Variants in CFAP54 observed in about 807,000 individuals in gnomAD.
CFAP54 encodes the protein cilia and flagella associated protein 54, also known as cilia- and flagella-associated protein 54.
CFAP54 carries 290 observed loss-of-function variants against 370.4 expected under a neutral mutation model. The observed-to-expected ratio is 0.78, with a 90% CI of 0.71 to 0.86. The LOEUF (loss-of-function observed/expected upper bound fraction) is 0.86, where lower values mean the gene tolerates loss of function less well. Ranked by LOEUF, CFAP54 falls within the 40% of genes least tolerant of loss-of-function variation. The probability of loss-of-function intolerance (pLI) is 0.00; values close to 1 mark genes in which losing one functional copy is unlikely to be tolerated. For missense variants in CFAP54, 3,399 were observed against 3,528.7 expected, an observed-to-expected ratio of 0.96 and a Z score of 0.93; for synonymous variants, 1,206 against 1,236.5, an observed-to-expected ratio of 0.98 and a Z score of 0.52.
At chr12:96,767,103 C>A (rs1958408646) in intron 60 of CFAP54, among the ~76,000 whole-genome samples, 1 of 152,178 alleles carries the variant, frequency 6.6e-6, no homozygotes, top group African/African-American at 2.4e-5. Context: ...TTGGCCACAG[C>A]AAGTCATAGG....
In CFAP54 at chr12:96,489,853, T is replaced by C; in HGVS notation, c.244T>C (p.Leu82=). ...LASCEKEIQE[L]LGFMRKKKAL... is the part of the protein sequence containing the mutation. ...CTCTTGTGAGAAGGAGATCCAGGAGTTGTTAGGCTTTATGAGGAAAAAGAA... is the reference window on the plus strand; with the variant it reads ...CTCTTGTGAGAAGGAGATCCAGGAGCTGTTAGGCTTTATGAGGAAAAAGAA... Residue 82 remains leucine, a synonymous_variant, in exon 1 of 68, where the codon TTG becomes CTG. Transcript: ENST00000524981. 2 of 1,535,262 alleles carry C rather than the reference T, an allele frequency of 1.3e-6. No individual in the cohort carries two copies. Among genetic ancestry groups the C allele is most frequent in the Non-Finnish European group, 1.7e-6 (2 of 1,146,718 alleles).
intron 33 of CFAP54, chr12:96,645,251 T>G: frequency 2.4e-6 from 1 of 424,340 alleles, no homozygotes; most frequent in Admixed American, 2.6e-5. Flanking sequence ...GTGTAGCTAT[T>G]AAAAAGATAC....
chr12:96,576,936 C>T (rs1955984724), intron 20 of CFAP54, among the ~76,000 whole-genome samples, 175 bp downstream of exon 20: 2 of 152,096 alleles, frequency 1.3e-5, no homozygotes, highest in African/African-American at 4.8e-5. Context: ...GACTTGTTGC[C>T]CCTTATGCTG....
At chr12:96,780,535 A>G (rs1050714230) in intron 60 of CFAP54, among the ~76,000 whole-genome samples, 2 of 152,190 alleles carry the variant, frequency 1.3e-5, no homozygotes, top group African/African-American at 4.8e-5. Flanking sequence ...CTGACTCAGC[A>G]AAGAAGTTTC....
intron 50 of CFAP54, among the ~76,000 whole-genome samples, chr12:96,729,135 A>T (rs932830215): frequency 6.6e-6 from 1 of 151,706 alleles, no homozygotes; most frequent in African/African-American, 2.4e-5. Context: ...GGGGTCGGGG[A>T]CCCACTTGAG....
intron 67 of CFAP54, among the ~76,000 whole-genome samples, chr12:96,870,536 C>T (rs564203127): frequency 7.7e-4 from 118 of 152,314 alleles, no homozygotes; most frequent in Non-Finnish European, 1.5e-3. Context: ...ATACATAAAG[C>T]ACCTAGAACA....
intron 22 of CFAP54, among the ~76,000 whole-genome samples, chr12:96,585,662 C>A (rs1175217677): frequency 2.6e-5 from 4 of 152,108 alleles, no homozygotes; most frequent in African/African-American, 9.7e-5. Flanking sequence ...TTGCCTTTGG[C>A]CCCACATCTG....
At chr12:96,788,639 T>G (rs1958652199) in intron 62 of CFAP54, among the ~76,000 whole-genome samples, 1 of 152,188 alleles carries the variant, frequency 6.6e-6, no homozygotes, top group Non-Finnish European at 1.5e-5. Context: ...AGCAACCTTA[T>G]GTTTTGGGTA....
intron 55 of CFAP54, among the ~76,000 whole-genome samples, chr12:96,753,499 T>C (rs1958214354): frequency 6.6e-6 from 1 of 152,146 alleles, no homozygotes; most frequent in Admixed American, 6.5e-5. Flanking sequence ...TTATCCTTCA[T>C]TTAAAAAAGA....
chr12:96,826,536 A>ATATAT (rs1959106501), intron 65 of CFAP54, among the ~76,000 whole-genome samples: 1 of 44,420 alleles, frequency 2.3e-5, no homozygotes, highest in African/African-American at 7.4e-5. Context: ...ATTATATATT[A>ATATAT]TATATATAAT....
chr12:96,616,980 G>A (rs144971705), intron 26 of CFAP54, among the ~76,000 whole-genome samples: 2 of 152,178 alleles, frequency 1.3e-5, no homozygotes, highest in Admixed American at 6.5e-5. Context: ...TGGAAAAAGT[G>A]GAGGTAGAGA....
chr12:96,638,241 GTATATA>G (rs58804420), intron 32 of CFAP54, among the ~76,000 whole-genome samples: 1,518 of 122,892 alleles, frequency 0.012, 16 homozygotes, highest in African/African-American at 0.015. Context: ...GTGTGTGTGT[GTATATA>G]TATATATATT....
chr12:96,545,477 A>T (rs1443534947), intron 14 of CFAP54, among the ~76,000 whole-genome samples: 3 of 152,166 alleles, frequency 2.0e-5, no homozygotes, highest in Non-Finnish European at 4.4e-5. Flanking sequence ...GATATTTTTT[A>T]AAAAACAAAC....
At chr12:96,680,056 G>A (rs1294969778) in intron 40 of CFAP54, among the ~76,000 whole-genome samples, 1 of 152,174 alleles carries the variant, frequency 6.6e-6, no homozygotes, top group Admixed American at 6.5e-5. Context: ...TTCTTTAGGT[G>A]TGGCACTATG....
chr12:96,848,601 G>T (rs1959436206), intron 66 of CFAP54, among the ~76,000 whole-genome samples: 1 of 152,098 alleles, frequency 6.6e-6, no homozygotes, highest in Admixed American at 6.5e-5. Context: ...GGAGGTTGTG[G>T]CAGGAAGAAT....
chr12:96,771,084 A>C (rs1017751529), intron 60 of CFAP54, among the ~76,000 whole-genome samples: 1 of 152,222 alleles, frequency 6.6e-6, no homozygotes, highest in Admixed American at 6.5e-5. Context: ...GAAAATTCCA[A>C]ATTGCCAAAG....
chr12:96,675,169 A>G (rs1256048305), intron 39 of CFAP54, among the ~76,000 whole-genome samples: 1 of 152,104 alleles, frequency 6.6e-6, no homozygotes, highest in Admixed American at 6.5e-5. Flanking sequence ...AATGGGAGAA[A>G]ATTTTTGCAA....
At chr12:96,821,517 G>A (rs780795879) in intron 65 of CFAP54, among the ~76,000 whole-genome samples, 70 of 152,042 alleles carry the variant, frequency 4.6e-4, no homozygotes, top group Non-Finnish European at 8.4e-4. Context: ...CAGCTTTAAC[G>A]TGGGGCATTT....
chr12:96,824,458 T>A (rs1592786882), intron 65 of CFAP54, among the ~76,000 whole-genome samples: 1 of 152,292 alleles, frequency 6.6e-6, no homozygotes, highest in Middle Eastern at 3.4e-3. Flanking sequence ...CTTAATGAAA[T>A]CCTTACAATA....
Sources: gnomAD v4.1 joint callset for allele counts (sites outside exome capture counted in the v4.1 genomes callset) on GRCh38, gnomAD v4.1.1 for gene constraint, MANE v1.5 for transcripts, NCBI Gene and HGNC (gene_info 2026-07-23, HGNC 2026-07-21) for gene names.